Variants in INTS6 observed in about 807,000 individuals in gnomAD.
The protein encoded by INTS6 is DEAD box protein.
Under a neutral mutation model 104.9 loss-of-function variants are expected in INTS6, and 16 were observed. The ratio of observed to expected loss-of-function variants is 0.15; its 90% CI spans 0.10 to 0.23. INTS6 has a LOEUF of 0.23. Ranked by LOEUF, INTS6 falls within the 10% of genes least tolerant of loss-of-function variation. INTS6 has a pLI of 1.00. For synonymous variants in INTS6, 324 were observed against 358.7 expected (o/e 0.90, Z 1.09); for missense variants, 584 against 1,062.8 (o/e 0.55, Z 6.26).
chr13:51,363,363 A>G lies in INTS6; in HGVS notation c.*2389T>C, dbSNP rs1293657262. The G allele has an allele frequency of 6.6e-6, 1 of 151,958 alleles. No individual in the cohort carries two copies. Among genetic ancestry groups the G allele is most frequent in the Non-Finnish European group, 1.5e-5 (1 of 67,904 alleles). 9.4% of individuals were successfully genotyped at this position (151,958 alleles called of 1,614,324 possible). A position where few individuals can be genotyped will look rare whatever the true frequency, so the allele number is the denominator to read the frequency against. ...CTCTATCTGGGAGGCATTAGCCTAC[A>G]TCACACAACACAGTGGCTGCTCTTC... On this transcript the variant is annotated 3_prime_UTR_variant, in exon 18 of 18. Coordinates refer to ENST00000311234, the MANE Select transcript of INTS6 (RefSeq NM_012141.3).
the INTS6 span, among the ~76,000 whole-genome samples, chr13:51,347,625 TCAG>T: frequency 1.3e-5 from 2 of 152,312 alleles, no homozygotes; most frequent in East Asian, 3.9e-4. Flanking sequence ...TTTTGAGGTT[TCAG>T]TTATCCGCAT....
At chr13:51,375,779 G>A (rs1009831426) in intron 13 of INTS6, among the ~76,000 whole-genome samples, 5 of 152,136 alleles carry the variant, frequency 3.3e-5, no homozygotes, top group Non-Finnish European at 5.9e-5. Flanking sequence ...GCGCGCGTGC[G>A]CGCATGAATG....
intron 12 of INTS6, among the ~76,000 whole-genome samples, chr13:51,377,247 T>C (rs1458195792): frequency 1.3e-5 from 2 of 152,138 alleles, no homozygotes; most frequent in African/African-American, 4.8e-5. Flanking sequence ...GTTATATGAA[T>C]TCTTTATATA....
intron 3 of INTS6, among the ~76,000 whole-genome samples, chr13:51,435,141 A>C: frequency 1.3e-5 from 2 of 152,034 alleles, no homozygotes; most frequent in Non-Finnish European, 2.9e-5. Flanking sequence ...TTTAAAACAA[A>C]AAAAAAATCT....
intron 10 of INTS6, among the ~76,000 whole-genome samples, chr13:51,381,104 C>T (rs1420088330): frequency 6.6e-6 from 1 of 152,012 alleles, no homozygotes; most frequent in African/African-American, 2.4e-5. Context: ...AAAGTATATA[C>T]ATATTAAGTA....
At chr13:51,449,802 G>A in intron 3 of INTS6, 1 of 985,194 alleles carries the variant, frequency 1.0e-6, no homozygotes, top group East Asian at 1.1e-4. Context: ...ATTAAAAGTT[G>A]CAAAATAAAA....
chr13:51,374,125 T>TAGAAGGA (rs1955867494), intron 15 of INTS6, 83 bp downstream of exon 15: 1 of 1,118,934 alleles, frequency 8.9e-7, no homozygotes, highest in African/African-American at 1.6e-5. Flanking sequence ...ATCAATTTCC[T>TAGAAGGA]TCTATAATCT....
At chr13:51,421,519 T>C (rs1956895459) in intron 4 of INTS6, 1 of 153,992 alleles carries the variant, frequency 6.5e-6, no homozygotes, top group African/African-American at 2.4e-5. Context: ...GCACTAAGGT[T>C]ATTCCTAATA....
intron 4 of INTS6, among the ~76,000 whole-genome samples, chr13:51,420,082 G>A (rs1167267116): frequency 3.9e-5 from 6 of 151,992 alleles, no homozygotes; most frequent in Non-Finnish European, 8.8e-5. Context: ...TCACTATCTG[G>A]CCCTTCAAAG....
intron 4 of INTS6, among the ~76,000 whole-genome samples, chr13:51,417,452 CTTTTTT>C (rs34887995): frequency 8.9e-6 from 1 of 112,578 alleles, no homozygotes; most frequent in Non-Finnish European, 1.7e-5. Flanking sequence ...TAAGAAAATT[CTTTTTT>C]TTTTTTTTTT....
intron 7 of INTS6, 30 bp from the exon 8 acceptor site, chr13:51,383,771 T>C: frequency 6.5e-7 from 1 of 1,541,054 alleles, no homozygotes; most frequent in South Asian, 1.2e-5. Flanking sequence ...AATTACTACT[T>C]ACATGAAATT....
intron 15 of INTS6, among the ~76,000 whole-genome samples, chr13:51,372,161 TA>T (rs1226436667): frequency 6.6e-6 from 1 of 152,178 alleles, no homozygotes; most frequent in Non-Finnish European, 1.5e-5. Context: ...ACTGGTCGTT[TA>T]TACTCATAGC....
At chr13:51,397,683 A>C (rs1465147153) in intron 4 of INTS6, among the ~76,000 whole-genome samples, 1 of 152,198 alleles carries the variant, frequency 6.6e-6, no homozygotes, top group Non-Finnish European at 1.5e-5. Flanking sequence ...TTTTCTCTCT[A>C]ATATCACAAA....
At chr13:51,430,533 T>C (rs1249811429) in intron 3 of INTS6, 150 bp from the exon 4 acceptor site, 10 of 541,410 alleles carry the variant, frequency 1.8e-5, no homozygotes, top group Admixed American at 3.4e-5. Context: ...TAAGAAAAGA[T>C]ATAGAACGAC....
At chr13:51,349,917 GT>G (rs1020687375), downstream of INTS6, among the ~76,000 whole-genome samples, 3 of 151,960 alleles carry the variant, frequency 2.0e-5, no homozygotes, top group African/African-American at 4.8e-5. Context: ...AACTAACCAA[GT>G]TTTTTTTGTT....
intron 16 of INTS6, among the ~76,000 whole-genome samples, chr13:51,368,495 C>T (rs1247006503): frequency 1.3e-5 from 2 of 152,098 alleles, no homozygotes; most frequent in Non-Finnish European, 2.9e-5. Flanking sequence ...GTTCATATAC[C>T]AGAGAGCTTT....
chr13:51,424,176 G>A (rs1412334812), intron 4 of INTS6, among the ~76,000 whole-genome samples: 1 of 151,852 alleles, frequency 6.6e-6, no homozygotes, highest in East Asian at 1.9e-4. Flanking sequence ...GTTCTAACAG[G>A]CTAATAAACA....
chr13:51,392,835 G>A (rs1956267404), intron 5 of INTS6, among the ~76,000 whole-genome samples: 1 of 151,866 alleles, frequency 6.6e-6, no homozygotes, highest in Admixed American at 6.6e-5. Flanking sequence ...TATTGTTCCT[G>A]CTGTACTCCC....
rs1469565311 is a variant in INTS6 at position 51,363,020 on chromosome 13, G to C, written c.*2732C>G. Reference sequence around the variant, plus strand: ...CGGCAGAGAGCCTTCTCTTAGAAAGGACACGTCAAAAAAATGAAAGATGAG... The same window carrying C: ...CGGCAGAGAGCCTTCTCTTAGAAAGCACACGTCAAAAAAATGAAAGATGAG... On this transcript the variant is annotated 3_prime_UTR_variant, in exon 18 of 18. Coordinates refer to ENST00000311234, the MANE Select transcript of INTS6 (RefSeq NM_012141.3). 1.3e-5 allele frequency: 2 copies of C among 151,822 alleles called. No individual in the cohort carries two copies. Among genetic ancestry groups the C allele is most frequent in the East Asian group, 1.9e-4 (1 of 5,170 alleles). The allele number at this position is 151,822 out of a possible 1,614,324, so 9.4% of individuals were successfully genotyped here.
Sources: gnomAD v4.1 joint callset for allele counts (sites outside exome capture counted in the v4.1 genomes callset) on GRCh38, gnomAD v4.1.1 for gene constraint, MANE v1.5 for transcripts, NCBI Gene and HGNC (gene_info 2026-07-23, HGNC 2026-07-21) for gene names.